The following KIRREL3 variants were observed in gnomAD, a reference collection of about 807,000 sequenced individuals.
The protein encoded by KIRREL3 is kirre like nephrin family adhesion molecule 3.
Under a neutral mutation model 89.7 loss-of-function variants are expected in KIRREL3, and 36 were observed. The ratio of observed to expected loss-of-function variants is 0.40; its 90% confidence interval spans 0.31 to 0.53. The LOEUF (loss-of-function observed/expected upper bound fraction) is 0.53, where lower values mean the gene tolerates loss of function less well. Ranked by LOEUF, KIRREL3 falls within the 20% of genes least tolerant of loss-of-function variation. The pLI, the probability that KIRREL3 is intolerant of heterozygous loss-of-function variation, is 0.49. For synonymous variants in KIRREL3, 445 were observed against 441.4 expected (o/e 1.01, Z -0.10); for missense variants, 864 against 1,056.6 (o/e 0.82, Z 2.53).
In KIRREL3 at chr11:126,764,037, G is replaced by A. The variant is rs1949743552; in HGVS notation, c.56-201125C>T. On this transcript the variant is annotated intron_variant, in intron 1 of 16. Transcript: ENST00000525144. This position sits in a 1 kb window ranked among gnomAD's most constrained non-coding sequence, Gnocchi z 4.2. ...TCTTTGTAGAGGGCAAGGAAAGGTG[G>A]GTTATACAGATGCCCAGTGATATTT... 1.3e-5 allele frequency among the ~76,000 whole-genome samples: 2 copies of A among 152,086 alleles called. No homozygotes were observed. Among genetic ancestry groups the A allele is most frequent in the Non-Finnish European group, 2.9e-5 (2 of 68,024 alleles).
chr11:126,577,655 G>C (rs546665460), intron 1 of KIRREL3, among the ~76,000 whole-genome samples: 146 of 151,092 alleles, frequency 9.7e-4, no homozygotes, highest in Non-Finnish European at 1.8e-3. Context: ...CCAGCTATTC[G>C]GGAGGCTGAG....
rs1012404384 is a variant in KIRREL3 at position 126,763,949 on chromosome 11, CT to C, written c.56-201038del. ...GAATTTTTCCTCTCTTTTCCTGTAT[CT>C]TTTTTCCCCCACAACTCTGCATTCC... On this transcript the variant is annotated intron_variant, in intron 1 of 16. Coordinates refer to ENST00000525144, the MANE Select transcript of KIRREL3 (RefSeq NM_032531.4). The surrounding 1 kb of genome is among the most constrained non-coding windows in gnomAD (Gnocchi z 4.7). 2.0e-5 allele frequency among the ~76,000 whole-genome samples: 3 copies of C among 152,202 alleles called. No individual in the cohort carries two copies. The highest frequency in any genetic ancestry group is 3.9e-4 in the East Asian group (2 of 5,178).
rs1027068178 is a variant in KIRREL3 at position 126,903,003 on chromosome 11, G to C, written c.55+97452C>G. On this transcript the variant is annotated intron_variant, in intron 1 of 16. Transcript: ENST00000525144. The surrounding 1 kb of genome is among the most constrained non-coding windows in gnomAD (Gnocchi z 4.5). ...TAATACTTTTTTTAAAAAAAAGGAA[G>C]CCCAGCGTCCTATGACCTTGTGAAA... 1.3e-5 allele frequency among the ~76,000 whole-genome samples: 2 copies of C among 152,052 alleles called. No homozygotes were observed. Among genetic ancestry groups the C allele is most frequent in the African/African-American group, 4.8e-5 (2 of 41,390 alleles).
chr11:126,837,524 T>C lies in KIRREL3; in HGVS notation c.55+162931A>G, dbSNP rs557881376. ...AATTACGAGGGAATCGGATCTTGTCTAGGACACAGGTCCAGATTTAAAAGA... is the reference window on the plus strand; with the variant it reads ...AATTACGAGGGAATCGGATCTTGTCCAGGACACAGGTCCAGATTTAAAAGA... On this transcript the variant is annotated intron_variant, in intron 1 of 16. Transcript: ENST00000525144. The surrounding 1 kb of genome is among the most constrained non-coding windows in gnomAD (Gnocchi z 4.7). Among the ~76,000 whole-genome samples the C allele has an allele frequency of 2.6e-5, 4 of 152,306 alleles. No individual in the cohort carries two copies. In the East Asian group the frequency reaches 7.7e-4, roughly 29 times the overall value.
At position 126,544,958 on chromosome 11, in the gene KIRREL3, G is replaced by T. The variant is rs968446953; in HGVS notation, c.133+17877C>A. ...AACTCAACGTGCAACATTGCCTTAC[G>T]CAATCTAATAAATTACTTGGTACCC... On this transcript the variant is annotated intron_variant, in intron 2 of 16. Coordinates refer to ENST00000525144, the MANE Select transcript of KIRREL3 (RefSeq NM_032531.4). This position sits in a 1 kb window ranked among gnomAD's most constrained non-coding sequence, Gnocchi z 5.6. Among the ~76,000 whole-genome samples, 2 of 152,098 alleles carry T rather than the reference G, an allele frequency of 1.3e-5. No homozygotes were observed. Among genetic ancestry groups the T allele is most frequent in the Non-Finnish European group, 2.9e-5 (2 of 68,026 alleles).
intron 1 of KIRREL3, among the ~76,000 whole-genome samples, chr11:126,910,361 C>T (rs1434980923): frequency 6.6e-6 from 1 of 152,016 alleles, no homozygotes; most frequent in Non-Finnish European, 1.5e-5. Flanking sequence ...GTCTTAAGGC[C>T]TTTTTGGGGT....
At chr11:126,988,026 G>A (rs1239486696) in intron 1 of KIRREL3, among the ~76,000 whole-genome samples, 2 of 152,226 alleles carry the variant, frequency 1.3e-5, no homozygotes, top group Middle Eastern at 3.4e-3. Context: ...TCAGAAACAC[G>A]TAATCTCCTG....
intron 1 of KIRREL3, among the ~76,000 whole-genome samples, chr11:126,681,169 G>GT (rs1444702346): frequency 6.6e-6 from 1 of 152,076 alleles, no homozygotes; most frequent in Admixed American, 6.6e-5. Context: ...CTTCCCAAAG[G>GT]TCCCCCTTGT....
At position 126,561,120 on chromosome 11, in the gene KIRREL3, G is replaced by A. The variant is rs1034534292; in HGVS notation, c.133+1715C>T. 6.6e-5 allele frequency among the ~76,000 whole-genome samples: 10 copies of A among 152,196 alleles called. No homozygotes were observed. Among genetic ancestry groups the A allele is most frequent in the African/African-American group, 2.2e-4 (9 of 41,456 alleles). ...ATGTGGTACTTAGGGCAGCAAGGCT[G>A]GCTGGAGTGGAAGAAGAGGAGCTTC... On this transcript the variant is annotated intron_variant, in intron 2 of 16. Transcript: ENST00000525144. This position sits in a 1 kb window ranked among gnomAD's most constrained non-coding sequence, Gnocchi z 4.5.
chr11:126,998,335 G>A (rs577173656), intron 1 of KIRREL3, among the ~76,000 whole-genome samples: 4 of 152,176 alleles, frequency 2.6e-5, no homozygotes, highest in South Asian at 4.2e-4. Flanking sequence ...TCCCATAGTC[G>A]GACACTGTCT....
chr11:126,866,535 G>A (rs7130944), intron 1 of KIRREL3, among the ~76,000 whole-genome samples: 126,012 of 151,974 alleles, frequency 0.83, 52,549 homozygotes, highest in East Asian at 1. Flanking sequence ...GTCCCTGGGG[G>A]GGGCTCCACC....
chr11:126,979,633 G>T (rs1181007653), intron 1 of KIRREL3, among the ~76,000 whole-genome samples: 1 of 152,204 alleles, frequency 6.6e-6, no homozygotes, highest in African/African-American at 2.4e-5. Flanking sequence ...CTAGAGAGAT[G>T]ACCTGGGGAA....
chr11:126,838,340 A>G (rs772139997), intron 1 of KIRREL3, among the ~76,000 whole-genome samples: 1 of 152,240 alleles, frequency 6.6e-6, no homozygotes, highest in Non-Finnish European at 1.5e-5. Context: ...AGAAACTTCA[A>G]CAAGAAGACT....
rs75221753 is a variant in KIRREL3, at chr11:126,558,121, G to A, written c.133+4714C>T. Among the ~76,000 whole-genome samples, 2,121 of 152,300 alleles carry A rather than the reference G, an allele frequency of 0.014. 30 individuals carry two copies. Among genetic ancestry groups the A allele is most frequent in the African/African-American group, 0.035 (1,442 of 41,572 alleles). ...AAGAAGGCACCAGTGTGAGGGAGGA[G>A]TACCCTCCTGTGCAGGCCCCCCTCT... On this transcript the variant is annotated intron_variant, in intron 2 of 16. Coordinates refer to ENST00000525144, the MANE Select transcript of KIRREL3 (RefSeq NM_032531.4). The surrounding 1 kb of genome is among the most constrained non-coding windows in gnomAD (Gnocchi z 4.0).
rs1037137580 is a variant in KIRREL3, at chr11:126,521,334, G to A, written c.414C>T (p.Pro138=). The part of the protein sequence containing the change: ...QAIQAAIRSR[P]ARLTVLVPPD... Reference sequence around the variant, plus strand: ...TCTTACCCAGGACTGTGAGGCGTGCGGGGCGGGAGCGGATGGCGGCCTGGA... The same window carrying A: ...TCTTACCCAGGACTGTGAGGCGTGCAGGGCGGGAGCGGATGGCGGCCTGGA... The change falls in exon 4 of 17, where the codon CCC becomes CCT. Residue 138 remains proline, a synonymous_variant. Transcript: ENST00000525144. The surrounding 1 kb of genome is among the most constrained non-coding windows in gnomAD (Gnocchi z 4.1). The A allele has an allele frequency of 1.2e-5, 18 of 1,550,466 alleles. No homozygotes were observed. In the Middle Eastern group the frequency reaches 5.0e-4, roughly 43 times the overall value.
At chr11:126,988,020 A>C (rs1949918004) in intron 1 of KIRREL3, among the ~76,000 whole-genome samples, 1 of 152,204 alleles carries the variant, frequency 6.6e-6, no homozygotes, top group South Asian at 2.1e-4. Flanking sequence ...ATCATTTCAG[A>C]AACACGTAAT....
intron 1 of KIRREL3, among the ~76,000 whole-genome samples, chr11:126,660,460 A>G (rs185263733): frequency 5.5e-4 from 83 of 152,272 alleles, no homozygotes; most frequent in Non-Finnish European, 1.6e-4. Context: ...TTTTCAGATA[A>G]TCTGCTATTT....
chr11:126,497,213 T>A (rs201522599), intron 4 of KIRREL3, among the ~76,000 whole-genome samples: 1 of 46,576 alleles, frequency 2.1e-5, no homozygotes, highest in African/African-American at 5.9e-5. Flanking sequence ...AGTGTGAGTG[T>A]GTGAGAGTGA....
chr11:126,511,046 G>GCT (rs372806403), intron 4 of KIRREL3, among the ~76,000 whole-genome samples: 6,622 of 109,040 alleles, frequency 0.061, 280 homozygotes, highest in African/African-American at 0.19. Context: ...GATCTGCAGT[G>GCT]CTGTGTGTGT....
Sources: allele counts gnomAD v4.1 joint callset (sites outside exome capture counted in the v4.1 genomes callset), GRCh38; gene constraint gnomAD v4.1.1; non-coding constraint Gnocchi (gnomAD v3.1); transcripts MANE v1.5; gene names NCBI Gene and HGNC (gene_info 2026-07-23, HGNC 2026-07-21).